ARSF: variants seen among roughly 807,000 people sequenced by gnomAD.
The protein encoded by ARSF is arylsulfatase F.
In ARSF, 33 loss-of-function variants were observed where a neutral mutation model predicts 35.4. The observed-to-expected ratio is 0.93, with a 90% CI of 0.71 to 1.25. ARSF has a LOEUF of 1.25. ARSF is among the 50% of genes most tolerant of loss of function. ARSF has a pLI of 0.00. For missense variants in ARSF, 501 were observed against 480.2 expected (o/e 1.04, Z -0.40); for synonymous variants, 222 against 193.1 (o/e 1.15, Z -1.24).
At position 3,099,317 on chromosome X, in the gene ARSF, C is replaced by T. The variant is rs180697526; in HGVS notation, c.968-1770C>T. ...ATACACAGCAAGCAAAACCAATGGACAAACAAAAACCAACCAACAAAACCC... is the reference window on the plus strand; with the variant it reads ...ATACACAGCAAGCAAAACCAATGGATAAACAAAAACCAACCAACAAAACCC... On this transcript the variant is annotated intron_variant, in intron 7 of 10. Transcript: ENST00000381127. Among the ~76,000 whole-genome samples the T allele has an allele frequency of 4.7e-4, 52 of 111,645 alleles. 1 individual carries two copies. The highest frequency in any genetic ancestry group is 4.2e-3 in the East Asian group (15 of 3,564).
At chrX:3,078,796 G>A (rs140247695) in intron 4 of ARSF, among the ~76,000 whole-genome samples, 7 of 111,387 alleles carry the variant, frequency 6.3e-5, no homozygotes, top group Admixed American at 4.8e-4. Flanking sequence ...CACCGTGCCT[G>A]GCCAAAAGTA....
In ARSF at chrX:3,080,450, G is replaced by A. The variant is rs181490015; in HGVS notation, c.284-441G>A. 8.2e-3 allele frequency among the ~76,000 whole-genome samples: 792 copies of A among 97,025 alleles called. 10 individuals are homozygous for A. The highest frequency in any genetic ancestry group is 0.04 in the Admixed American group (339 of 8,491). 84.3% of individuals were successfully genotyped at this position (97,025 alleles called of 115,157 possible). ...GATGGCACTGCTGCACTCCAGCCTG[G>A]TGACAAAGCGAGACTTCATCTCAAA... is the stretch of plus-strand genomic sequence containing the variant. On this transcript the variant is annotated intron_variant, in intron 4 of 10. Transcript: ENST00000381127.
In ARSF at chrX:3,089,454, G is replaced by T. The variant is rs750558268; in HGVS notation, c.831-42G>T. The stretch of plus-strand genomic sequence containing the variant: ...CAAAACAATAGTTTTCACATTCATA[G>T]ATATTGAAAACTCACAAGTAGTTTC... On this transcript the variant is annotated intron_variant, in intron 6 of 10. Coordinates refer to ENST00000381127, the MANE Select transcript of ARSF (RefSeq NM_001201539.2). The T allele has an allele frequency of 2.8e-5, 34 of 1,195,326 alleles. No homozygotes were observed. In the East Asian group the frequency reaches 3.0e-4, roughly 11 times the overall value.
intron 7 of ARSF, among the ~76,000 whole-genome samples, chrX:3,093,307 A>T (rs1416786447): frequency 8.9e-6 from 1 of 111,925 alleles, no homozygotes; most frequent in Non-Finnish European, 1.9e-5. Flanking sequence ...CAGGTTTGTT[A>T]CCTGGGTATA....
At chrX:3,055,937 G>A (rs1475648145) in intron 1 of ARSF, among the ~76,000 whole-genome samples, 3 of 111,267 alleles carry the variant, frequency 2.7e-5, no homozygotes, top group African/African-American at 9.8e-5. Context: ...CATTCTTTTT[G>A]TCTTAAATTT....
rs182732174 is a variant in ARSF, at chrX:3,050,143, T to A, written c.-29+8480T>A. On this transcript the variant is annotated intron_variant, in intron 1 of 10. Transcript: ENST00000381127. ...TTGATGGAGTTAAAACAAAAGACTT[T>A]ACAACATGATCAAAGGTTGGGTGGG... Among the ~76,000 whole-genome samples, 987 of 111,906 alleles carry A rather than the reference T, an allele frequency of 8.8e-3. 12 individuals carry two copies. The highest frequency in any genetic ancestry group is 0.03 in the African/African-American group (936 of 30,881).
chrX:3,101,773 T>C (rs752599791), intron 8 of ARSF, among the ~76,000 whole-genome samples: 16 of 112,048 alleles, frequency 1.4e-4, no homozygotes, highest in Admixed American at 1.9e-4. Flanking sequence ...AGCTACTACA[T>C]TGGCCAGTCT....
chrX:3,073,606 TA>T (rs1233566635), intron 3 of ARSF, among the ~76,000 whole-genome samples: 1 of 93,514 alleles, frequency 1.1e-5, no homozygotes, highest in Non-Finnish European at 2.2e-5. Context: ...TAAATAAATA[TA>T]ATATAAATAT....
intron 1 of ARSF, among the ~76,000 whole-genome samples, chrX:3,044,682 C>T (rs2089967886): frequency 9.1e-6 from 1 of 110,023 alleles, no homozygotes; most frequent in South Asian, 3.9e-4. Flanking sequence ...TCTGTAGTCT[C>T]CAATGCTCAG....
chrX:3,090,915 CT>C (rs374014933), intron 7 of ARSF, among the ~76,000 whole-genome samples: 142 of 101,664 alleles, frequency 1.4e-3, no homozygotes, highest in Non-Finnish European at 1.2e-3. Context: ...GTGCACATGT[CT>C]TTTTTTTTTT....
intron 5 of ARSF, among the ~76,000 whole-genome samples, chrX:3,081,548 G>A (rs368024526): frequency 9.0e-6 from 1 of 110,968 alleles, no homozygotes; most frequent in African/African-American, 3.3e-5. Context: ...TGTTGGCCAG[G>A]CTGGTCTTGA....
chrX:3,099,660 GTTAC>G (rs2090362552), intron 7 of ARSF, among the ~76,000 whole-genome samples: 1 of 111,233 alleles, frequency 9.0e-6, no homozygotes, highest in African/African-American at 3.3e-5. Context: ...CCACTGTAAA[GTTAC>G]TTATTTTGTC....
chrX:3,086,591 C>T (rs1012303584), intron 6 of ARSF, among the ~76,000 whole-genome samples: 3 of 111,444 alleles, frequency 2.7e-5, no homozygotes, highest in African/African-American at 6.5e-5. Context: ...CTGAGGTAAG[C>T]GATCACTTAA....
In ARSF at chrX:3,112,175, T is replaced by C. The variant is rs2090449807; in HGVS notation, c.1392T>C (p.Ser464=). 2 of 1,197,430 alleles carry C rather than the reference T, an allele frequency of 1.7e-6. No homozygotes were observed. The highest frequency in any genetic ancestry group is 3.5e-5 in the African/African-American group (2 of 56,357). The change falls in exon 11 of 11, where the codon AGT becomes AGC. Residue 464 remains serine, a splice_region_variant and synonymous_variant. Coordinates refer to ENST00000381127, the MANE Select transcript of ARSF (RefSeq NM_001201539.2). Reference sequence around the variant, plus strand: ...ACGAGTCTCTCTTTTCTCCTCCAGGTGGGTCAGTTTGGAAGGCTCACTATG... The same window carrying C: ...ACGAGTCTCTCTTTTCTCCTCCAGGCGGGTCAGTTTGGAAGGCTCACTATG... ...HAVRWIPKDD[S]GSVWKAHYVT...
chrX:3,066,840 T>A (rs2090068602), intron 1 of ARSF: 1 of 109,325 alleles, frequency 9.1e-6, no homozygotes, highest in South Asian at 4.0e-4. Flanking sequence ...TCTGTTCTGC[T>A]CCTAGACATT....
chrX:3,079,614 G>T (rs1009848104), intron 4 of ARSF, among the ~76,000 whole-genome samples: 23 of 109,500 alleles, frequency 2.1e-4, no homozygotes, highest in African/African-American at 6.6e-4. Context: ...AAAGTGCTGG[G>T]ATTACAGGTG....
intron 1 of ARSF, among the ~76,000 whole-genome samples, chrX:3,045,200 C>T (rs1283257983): frequency 9.0e-6 from 1 of 111,639 alleles, no homozygotes; most frequent in Non-Finnish European, 1.9e-5. Flanking sequence ...TGGGTGGCCA[C>T]GTGGTCACAC....
At chrX:3,047,847 C>T (rs184290622) in intron 1 of ARSF, among the ~76,000 whole-genome samples, 1 of 110,718 alleles carries the variant, frequency 9.0e-6, no homozygotes, top group East Asian at 2.9e-4. Context: ...AAAGACATAC[C>T]CGAGATTGGG....
chrX:3,089,652 T>G lies in ARSF; in HGVS notation c.967+20T>G. Reference sequence around the variant, plus strand: ...TGGTGGGTAAGTCACAGGACTTAAGTGGACAGAAACTAACGTGTTCTGATA... The same window carrying G: ...TGGTGGGTAAGTCACAGGACTTAAGGGGACAGAAACTAACGTGTTCTGATA... On this transcript the variant is annotated intron_variant, in intron 7 of 10. Coordinates refer to ENST00000381127, the MANE Select transcript of ARSF (RefSeq NM_001201539.2). 1 of 1,208,386 alleles carries G rather than the reference T, an allele frequency of 8.3e-7. No homozygotes were observed. The highest frequency in any genetic ancestry group is 1.1e-6 in the Non-Finnish European group (1 of 893,155).
Sources: allele counts gnomAD v4.1 joint callset (sites outside exome capture counted in the v4.1 genomes callset), GRCh38; gene constraint gnomAD v4.1.1; transcripts MANE v1.5; gene names NCBI Gene and HGNC (gene_info 2026-07-23, HGNC 2026-07-21).